The following AMACR variants were observed in gnomAD, a reference collection of about 807,000 sequenced individuals.
AMACR encodes alpha-methylacyl-CoA racemase, also known as 2-methylacyl-CoA racemase.
In AMACR, 18 loss-of-function variants were observed where a neutral mutation model predicts 22.2. The ratio of observed to expected loss-of-function variants is 0.81; its 90% CI spans 0.56 to 1.20. The LOEUF (loss-of-function observed/expected upper bound fraction) is 1.20, where lower values mean the gene tolerates loss of function less well. Ranked by LOEUF, AMACR falls within the 50% of genes most tolerant of loss-of-function variation. AMACR has a pLI of 0.00. For missense variants in AMACR, 499 were observed against 490.6 expected, an observed-to-expected ratio of 1.02 and a Z score of -0.16; for synonymous variants, 213 against 191.3, an observed-to-expected ratio of 1.11 and a Z score of -0.94.
chr5:33,997,648 G>C, intron 4 of AMACR: 1 of 693,748 alleles, frequency 1.4e-6, no homozygotes, highest in Admixed American at 2.3e-5. Flanking sequence ...AATTTATTTG[G>C]AGCAGTGACA....
At position 33,989,279 on chromosome 5, in the gene AMACR, C is replaced by T; in HGVS notation, c.963G>A (p.Gln321=). The change falls in exon 5 of 5, where the codon CAG becomes CAA. Residue 321 remains glutamine, a synonymous_variant. Transcript: ENST00000335606. ...GAGGTGCAGGGCGGGGGCTCACGTC[C>T]TGCTCCTCACTGGTGATAAACGAGC... ...ERGSFITSEE[Q]DVSPRPAPLL... 1 of 1,614,122 alleles carries T rather than the reference C, an allele frequency of 6.2e-7. No homozygotes were observed. The highest frequency in any genetic ancestry group is 8.5e-7 in the Non-Finnish European group (1 of 1,180,010).
intron 4 of AMACR, among the ~76,000 whole-genome samples, chr5:33,993,049 A>G (rs1753530106): frequency 6.6e-6 from 1 of 152,180 alleles, no homozygotes; most frequent in African/African-American, 2.4e-5. Context: ...TTTCAAACAG[A>G]AACTCTGAAC....
At position 33,988,440 on chromosome 5, in the gene AMACR, G is replaced by A; in HGVS notation, c.*653C>T. 1 of 1,534,160 alleles carries A rather than the reference G, an allele frequency of 6.5e-7. No homozygotes were observed. The highest frequency in any genetic ancestry group is 1.2e-5 in the South Asian group (1 of 83,622). ...CGGGGAAACAGGCCCCGAGTTACTG[G>A]ATACAGGCAACCCTAAAACTGACTG... On this transcript the variant is annotated 3_prime_UTR_variant, in exon 5 of 5. Transcript: ENST00000335606.
rs199734111 is a variant in AMACR at position 34,007,911 on chromosome 5, G to C, written c.109C>G (p.Pro37Ala). The change falls in exon 1 of 5, where the codon CCC becomes GCC. Residue 37 changes from proline to alanine, a missense_variant. Pro to Ala is a conservative substitution (Grantham distance 27, BLOSUM62 -1). Coordinates refer to ENST00000335606, the MANE Select transcript of AMACR (RefSeq NM_014324.6). ...FGARVVRVDR[P>A]GSRYDVSRLG... Reference sequence around the variant, plus strand: ...CGGCTCACGTCGTAGCGGGAGCCGGGCCGGTCCACGCGTACCACACGCGCC... The same window carrying C: ...CGGCTCACGTCGTAGCGGGAGCCGGCCCGGTCCACGCGTACCACACGCGCC... 1 of 1,606,602 alleles carries C rather than the reference G, an allele frequency of 6.2e-7. No individual in the cohort carries two copies. Among genetic ancestry groups the C allele is most frequent in the Admixed American group, 1.7e-5 (1 of 59,704 alleles).
intron 4 of AMACR, among the ~76,000 whole-genome samples, chr5:33,991,756 T>A (rs199960447): frequency 3.3e-5 from 2 of 61,384 alleles, no homozygotes; most frequent in African/African-American, 6.3e-5. Context: ...TATTATTATT[T>A]TTGAGACGGA....
At chr5:33,990,663 C>T (rs1284833530) in intron 4 of AMACR, among the ~76,000 whole-genome samples, 2 of 152,178 alleles carry the variant, frequency 1.3e-5, no homozygotes, top group Non-Finnish European at 2.9e-5. Context: ...TAAGTTTAGC[C>T]AAGTTAATTG....
chr5:34,006,680 C>G (rs1561046499), intron 1 of AMACR, among the ~76,000 whole-genome samples: 1 of 152,196 alleles, frequency 6.6e-6, no homozygotes, highest in South Asian at 2.1e-4. Context: ...TTAAATGGAG[C>G]ATTCTTAAAT....
rs767389777 is a variant in AMACR, at chr5:33,987,520, G to A, written c.*1573C>T. 12 of 152,228 alleles carry A rather than the reference G, an allele frequency of 7.9e-5. No individual in the cohort carries two copies. Among genetic ancestry groups the A allele is most frequent in the Non-Finnish European group, 1.5e-4 (10 of 68,036 alleles). The allele number at this position is 152,228 out of a possible 1,614,324, so 9.4% of individuals were successfully genotyped here. A position where few individuals can be genotyped will look rare whatever the true frequency, so the allele number is the denominator to read the frequency against. The stretch of plus-strand genomic sequence containing the variant: ...ACACAATGAAACTCAACATCTGTCA[G>A]ACATCACGTGAACTACTAGTGAGGT... On this transcript the variant is annotated 3_prime_UTR_variant, in exon 5 of 5. Transcript: ENST00000335606.
At chr5:34,001,943 C>G (rs1171901150) in intron 3 of AMACR, among the ~76,000 whole-genome samples, 1 of 152,138 alleles carries the variant, frequency 6.6e-6, no homozygotes, top group Non-Finnish European at 1.5e-5. Context: ...AAATATGAAC[C>G]CAGAAGAAAG....
intron 4 of AMACR, among the ~76,000 whole-genome samples, chr5:33,991,461 A>G (rs1367307951): frequency 2.0e-5 from 3 of 152,152 alleles, no homozygotes. Context: ...TACAATCACT[A>G]TGAAATTTCT....
rs762519310 is a variant in AMACR at position 33,989,403 on chromosome 5, T to TTCG, written c.836_838dup (p.Thr279dup). The TTCG allele has an allele frequency of 1.2e-6, 2 of 1,614,204 alleles. No individual in the cohort carries two copies. Among genetic ancestry groups the TTCG allele is most frequent in the Non-Finnish European group, 1.7e-6 (2 of 1,180,032 alleles). ...GTCAAAGATTTGACACCACTCTGCC[T>TTCG]TCGTCTTCTCTGCAAATACATCTGC... On this transcript the variant is annotated inframe_insertion, in exon 5 of 5. Transcript: ENST00000335606.
At chr5:34,000,166 T>G (rs777372226) in intron 3 of AMACR, among the ~76,000 whole-genome samples, 1 of 152,206 alleles carries the variant, frequency 6.6e-6, no homozygotes, top group Non-Finnish European at 1.5e-5. Flanking sequence ...GGTTCTCCTC[T>G]CCTCTTAATT....
intron 4 of AMACR, chr5:33,997,685 A>T (rs561898496): frequency 9.2e-5 from 60 of 653,542 alleles, no homozygotes; most frequent in African/African-American, 8.0e-4. Flanking sequence ...ATTTCTGGAC[A>T]GAGAGGTACC....
Position 33,998,622 on chromosome 5 carries a change from A to T in AMACR, c.739+19T>A. On this transcript the variant is annotated intron_variant, in intron 4 of 4. Coordinates refer to ENST00000335606, the MANE Select transcript of AMACR (RefSeq NM_014324.6). ...CACAGCAAAAGGGGAACTGGGGGAG[A>T]CGCGTGAAGTTCACTTACCTTTGAT... 1 of 1,586,284 alleles carries T rather than the reference A, an allele frequency of 6.3e-7. No homozygotes were observed. The highest frequency in any genetic ancestry group is 8.6e-7 in the Non-Finnish European group (1 of 1,164,556).
At chr5:33,993,653 T>C (rs529652451) in intron 4 of AMACR, among the ~76,000 whole-genome samples, 3 of 152,242 alleles carry the variant, frequency 2.0e-5, no homozygotes, top group South Asian at 2.1e-4. Flanking sequence ...ATCCCAGCAC[T>C]ATGGGAGGCT....
Position 33,988,358 on chromosome 5 carries a change from C to T in AMACR, c.*735G>A, listed in dbSNP as rs970751660. 2 of 1,540,602 alleles carry T rather than the reference C, an allele frequency of 1.3e-6. No homozygotes were observed. Among genetic ancestry groups the T allele is most frequent in the Non-Finnish European group, 8.7e-7 (1 of 1,148,600 alleles). On this transcript the variant is annotated 3_prime_UTR_variant, in exon 5 of 5. Coordinates refer to ENST00000335606, the MANE Select transcript of AMACR (RefSeq NM_014324.6). Reference sequence around the variant, plus strand: ...GGGTATAAGATCCAGAACTTGCTACCAGCCTGAGGAGAAATCAAACACATG... The same window carrying T: ...GGGTATAAGATCCAGAACTTGCTACTAGCCTGAGGAGAAATCAAACACATG...
intron 1 of AMACR, among the ~76,000 whole-genome samples, chr5:34,007,286 G>C (rs1754010067): frequency 6.6e-6 from 1 of 152,214 alleles, no homozygotes; most frequent in Non-Finnish European, 1.5e-5. Context: ...CTGGGCTTCA[G>C]GGAGCAGATG....
chr5:33,997,096 G>A, intron 4 of AMACR: 1 of 760,722 alleles, frequency 1.3e-6, no homozygotes, highest in South Asian at 1.4e-5. Flanking sequence ...AAACTGCTCT[G>A]CTGTGAGAGA....
At chr5:33,996,795 C>CA (rs11463518) in intron 4 of AMACR, among the ~76,000 whole-genome samples, 24,012 of 145,578 alleles carry the variant, frequency 0.16, 4,650 homozygotes, top group African/African-American at 0.45. Flanking sequence ...AACAAGCAAA[C>CA]AAAAAAAAAA....
Sources: allele counts gnomAD v4.1 joint callset (sites outside exome capture counted in the v4.1 genomes callset), GRCh38; gene constraint gnomAD v4.1.1; transcripts MANE v1.5; gene names NCBI Gene and HGNC (gene_info 2026-07-23, HGNC 2026-07-21).